Variants in MAST4 observed in about 807,000 individuals in gnomAD.
MAST4 encodes microtubule associated serine/threonine kinase family member 4.
MAST4 carries 89 observed loss-of-function variants against 162.7 expected under a neutral mutation model. The observed-to-expected ratio is 0.55, with a 90% CI of 0.46 to 0.65. MAST4 has a LOEUF of 0.65. Ranked by LOEUF, MAST4 falls within the 30% of genes least tolerant of loss-of-function variation. The probability of loss-of-function intolerance (pLI) is 0.00; values close to 1 mark genes in which losing one functional copy is unlikely to be tolerated. For synonymous variants in MAST4, 1,479 were observed against 1,361.1 expected, an observed-to-expected ratio of 1.09 and a Z score of -1.91; for missense variants, 3,153 against 3,374.0, an observed-to-expected ratio of 0.93 and a Z score of 1.62.
intron 5 of MAST4, among the ~76,000 whole-genome samples, chr5:67,060,920 G>A (rs1322317715): frequency 4.6e-5 from 7 of 152,122 alleles, no homozygotes; most frequent in African/African-American, 9.7e-5. Context: ...ACTAATAGGC[G>A]TGTGACTGTT....
chr5:67,113,529 TCTTTA>T (rs1225078100), intron 11 of MAST4, among the ~76,000 whole-genome samples: 1 of 152,174 alleles, frequency 6.6e-6, no homozygotes, highest in Non-Finnish European at 1.5e-5. Flanking sequence ...TCTTTCTTGT[TCTTTA>T]CTTTATGTGA....
intron 4 of MAST4, among the ~76,000 whole-genome samples, chr5:66,961,764 G>A (rs1292314556): frequency 6.6e-6 from 1 of 152,192 alleles, no homozygotes; most frequent in African/African-American, 2.4e-5. Context: ...GGACAGGAAG[G>A]AATAGATAAG....
chr5:67,151,998 G>A (rs758896326), intron 24 of MAST4, among the ~76,000 whole-genome samples: 7 of 152,008 alleles, frequency 4.6e-5, no homozygotes, highest in Non-Finnish European at 7.4e-5. Context: ...GAACTCCTGG[G>A]CTCAAGCGAC....
At chr5:66,823,482 C>T (rs1757092077) in intron 3 of MAST4, among the ~76,000 whole-genome samples, 1 of 152,100 alleles carries the variant, frequency 6.6e-6, no homozygotes, top group Non-Finnish European at 1.5e-5. Flanking sequence ...AAATGTTGGC[C>T]TTTGTTTTGT....
intron 4 of MAST4, among the ~76,000 whole-genome samples, chr5:66,956,374 A>G (rs1486449309): frequency 6.6e-6 from 1 of 151,982 alleles, no homozygotes. Context: ...CACAACGTCC[A>G]GGGTTTCTCT....
chr5:66,820,958 T>A (rs1209052080), intron 3 of MAST4, among the ~76,000 whole-genome samples: 2 of 152,192 alleles, frequency 1.3e-5, no homozygotes, highest in Non-Finnish European at 2.9e-5. Flanking sequence ...AAATCATGCA[T>A]GTTACGTTGT....
At chr5:67,085,500 A>G (rs1650861855) in intron 5 of MAST4, among the ~76,000 whole-genome samples, 1 of 152,222 alleles carries the variant, frequency 6.6e-6, no homozygotes, top group African/African-American at 2.4e-5. Context: ...GCAGTGAGTA[A>G]TGGTGCTATA....
At chr5:66,777,235 C>T (rs1754645766) in intron 2 of MAST4, among the ~76,000 whole-genome samples, 1 of 152,188 alleles carries the variant, frequency 6.6e-6, no homozygotes, top group South Asian at 2.1e-4. Context: ...TCCAAGTTCC[C>T]AGTGCTGGAA....
At chr5:67,133,438 G>C (rs140766642) in intron 16 of MAST4, 76 bp from the exon 17 acceptor site, 1 of 1,504,982 alleles carries the variant, frequency 6.6e-7, no homozygotes, top group Non-Finnish European at 9.1e-7. Context: ...AGAAACTGAG[G>C]GGGGAAGGGA....
chr5:66,629,691 C>T (rs1744674357), intron 1 of MAST4, among the ~76,000 whole-genome samples: 1 of 152,148 alleles, frequency 6.6e-6, no homozygotes, highest in South Asian at 2.1e-4. Context: ...TGCCCATGGC[C>T]TCTGGGCTGC....
chr5:67,047,189 A>G (rs921338218), intron 4 of MAST4, among the ~76,000 whole-genome samples: 3 of 152,246 alleles, frequency 2.0e-5, no homozygotes, highest in African/African-American at 7.2e-5. Flanking sequence ...CTTTTAATCT[A>G]GCAGCCAGAA....
chr5:67,001,116 C>T (rs1308509019), intron 4 of MAST4, among the ~76,000 whole-genome samples: 1 of 152,162 alleles, frequency 6.6e-6, no homozygotes, highest in African/African-American at 2.4e-5. Flanking sequence ...AATCTCAGTT[C>T]CCTCTTTGTT....
intron 15 of MAST4, among the ~76,000 whole-genome samples, chr5:67,130,984 A>C (rs1029895476): frequency 1.3e-5 from 2 of 152,148 alleles, no homozygotes; most frequent in Non-Finnish European, 1.5e-5. Context: ...ACTTGTTGAC[A>C]TAAAGTTAAT....
intron 3 of MAST4, among the ~76,000 whole-genome samples, chr5:66,861,428 G>A (rs1760110037): frequency 6.6e-6 from 1 of 152,206 alleles, no homozygotes; most frequent in Non-Finnish European, 1.5e-5. Flanking sequence ...CAGCCCTATG[G>A]AGGTAGCTGT....
chr5:66,727,568 T>A (rs188945569), intron 1 of MAST4, among the ~76,000 whole-genome samples: 1 of 152,262 alleles, frequency 6.6e-6, no homozygotes, highest in Non-Finnish European at 1.5e-5. Flanking sequence ...TATAGAAACA[T>A]TTGAGGCAAA....
intron 4 of MAST4, among the ~76,000 whole-genome samples, chr5:66,942,550 A>G (rs1368148244): frequency 6.6e-6 from 1 of 152,188 alleles, no homozygotes; most frequent in Non-Finnish European, 1.5e-5. Flanking sequence ...AGTGGCTGTC[A>G]TGCAGTGTGA....
At chr5:66,921,866 G>T (rs184062416) in intron 4 of MAST4, among the ~76,000 whole-genome samples, 19 of 152,254 alleles carry the variant, frequency 1.2e-4, no homozygotes, top group Admixed American at 3.3e-4. Context: ...TTCATGTAAC[G>T]TTCTAATTAA....
intron 2 of MAST4, among the ~76,000 whole-genome samples, chr5:66,782,762 C>G (rs900435176): frequency 6.6e-6 from 1 of 152,204 alleles, no homozygotes; most frequent in African/African-American, 2.4e-5. Context: ...AAGCTCACCT[C>G]TCATACAACA....
chr5:67,034,588 C>T (rs1428407), intron 4 of MAST4, among the ~76,000 whole-genome samples: 31,550 of 152,104 alleles, frequency 0.21, 3,587 homozygotes, highest in Non-Finnish European at 0.25. Context: ...CCCAGGACTG[C>T]GAGCTTTAAG....
Sources: gnomAD v4.1 joint callset for allele counts (sites outside exome capture counted in the v4.1 genomes callset) on GRCh38, gnomAD v4.1.1 for gene constraint, MANE v1.5 for transcripts, NCBI Gene and HGNC (gene_info 2026-07-23, HGNC 2026-07-21) for gene names.